Variants in CD200 observed in about 807,000 individuals in gnomAD.
CD200 encodes CD200 molecule.
Under a neutral mutation model 30.9 loss-of-function variants are expected in CD200, and 15 were observed. The observed-to-expected ratio is 0.49, with a 90% confidence interval of 0.32 to 0.75. The LOEUF is 0.75. Among genes scored for constraint, CD200 ranks in the 30% least tolerant of loss-of-function variants. The probability of loss-of-function intolerance (pLI) is 0.03; values close to 1 mark genes in which losing one functional copy is unlikely to be tolerated. For synonymous variants in CD200, 134 were observed against 126.2 expected (o/e 1.06, Z -0.41); for missense variants, 262 against 324.2 (o/e 0.81, Z 1.47).
Position 112,333,494 on chromosome 3 carries a change from C to G in CD200, c.12+270C>G, listed in dbSNP as rs921594348. 5.1e-6 allele frequency: 5 copies of G among 985,288 alleles called. No homozygotes were observed. In the African/African-American group the frequency reaches 8.7e-5, roughly 17 times the overall value. 61.0% of individuals were successfully genotyped at this position (985,288 alleles called of 1,614,324 possible). A position where few individuals can be genotyped will look rare whatever the true frequency, so the allele number is the denominator to read the frequency against. ...TGCCTGAAAAAAAGATGCACCAGGC[C>G]GGGGCTCCGGGGGCTCTTGATCCGC... On this transcript the variant is annotated intron_variant, in intron 1 of 5. Coordinates refer to ENST00000315711, the MANE Select transcript of CD200 (RefSeq NM_005944.7).
chr3:112,352,119 G>A (rs1475736944), intron 5 of CD200, among the ~76,000 whole-genome samples: 1 of 152,186 alleles, frequency 6.6e-6, no homozygotes, highest in Non-Finnish European at 1.5e-5. Flanking sequence ...TTAACAGCCA[G>A]ATAATTTGGC....
intron 5 of CD200, among the ~76,000 whole-genome samples, chr3:112,358,404 A>G (rs1373336074): frequency 1.3e-5 from 2 of 152,254 alleles, no homozygotes; most frequent in African/African-American, 4.8e-5. Context: ...GAAAATGTGC[A>G]TTCTAAAAAC....
chr3:112,358,935 A>G (rs1483002920), intron 5 of CD200, among the ~76,000 whole-genome samples: 1 of 147,738 alleles, frequency 6.8e-6, no homozygotes, highest in African/African-American at 2.6e-5. Flanking sequence ...AAGAGAGAGA[A>G]AGAAAGAGAG....
chr3:112,353,184 A>G lies in CD200; in HGVS notation c.802+3365A>G, dbSNP rs115249612. Among the ~76,000 whole-genome samples, 1,313 of 152,282 alleles carry G rather than the reference A, an allele frequency of 8.6e-3. 17 individuals are homozygous for G. The highest frequency in any genetic ancestry group is 0.03 in the African/African-American group (1,242 of 41,574). On this transcript the variant is annotated intron_variant, in intron 5 of 5. Transcript: ENST00000315711. ...AATTTGGAGTTGAGAATAATCTTTTATTTCTCATTAGTCAACCCACCAACA... is the reference window on the plus strand; with the variant it reads ...AATTTGGAGTTGAGAATAATCTTTTGTTTCTCATTAGTCAACCCACCAACA...
chr3:112,336,886 G>A (rs1339618148), intron 1 of CD200, among the ~76,000 whole-genome samples: 1 of 152,098 alleles, frequency 6.6e-6, no homozygotes, highest in Non-Finnish European at 1.5e-5. Context: ...CCAAATAAGA[G>A]ACTGTTTCTA....
chr3:112,352,089 C>T (rs2399421), intron 5 of CD200, among the ~76,000 whole-genome samples: 150,928 of 152,290 alleles, frequency 0.99, 74,801 homozygotes, highest in Middle Eastern at 1. Flanking sequence ...ATCCAAACTA[C>T]AACAACTGAT....
At chr3:112,346,525 A>G (rs1227364120) in intron 3 of CD200, among the ~76,000 whole-genome samples, 2 of 152,088 alleles carry the variant, frequency 1.3e-5, no homozygotes, top group Non-Finnish European at 2.9e-5. Flanking sequence ...TCTTTGATAC[A>G]TCATAGGACC....
At chr3:112,355,923 C>A (rs943078085) in intron 5 of CD200, among the ~76,000 whole-genome samples, 13 of 151,920 alleles carry the variant, frequency 8.6e-5, no homozygotes, top group Non-Finnish European at 1.5e-4. Flanking sequence ...TAATTTTAAT[C>A]TCTAAAAATA....
In CD200 at chr3:112,338,878, A is replaced by T. The variant is rs564646753; in HGVS notation, c.13-2024A>T. ...AGATAGTGTGGTAATTATGGTTATGAGCTCTGAAACCAGACTGCCTGGGCT... is the reference window on the plus strand; with the variant it reads ...AGATAGTGTGGTAATTATGGTTATGTGCTCTGAAACCAGACTGCCTGGGCT... On this transcript the variant is annotated intron_variant, in intron 1 of 5. Coordinates refer to ENST00000315711, the MANE Select transcript of CD200 (RefSeq NM_005944.7). Among the ~76,000 whole-genome samples, 5 of 152,298 alleles carry T rather than the reference A, an allele frequency of 3.3e-5. No individual in the cohort carries two copies. The East Asian group carries it at 9.7e-4, about 29-fold the overall frequency.
chr3:112,351,607 C>CT (rs2081533141), intron 5 of CD200, among the ~76,000 whole-genome samples: 1 of 152,148 alleles, frequency 6.6e-6, no homozygotes, highest in Admixed American at 6.5e-5. Flanking sequence ...ATGTTGACTC[C>CT]TGTACGCATC....
At chr3:112,336,097 G>C in intron 1 of CD200, 1 of 942,032 alleles carries the variant, frequency 1.1e-6, no homozygotes, top group Admixed American at 1.8e-5. Context: ...TATTATATAA[G>C]ATTAATGTTT....
In CD200 at chr3:112,347,761, G is replaced by A; in HGVS notation, c.625G>A (p.Gly209Arg). Residue 209 changes from glycine to arginine, a missense_variant, in exon 4 of 6, where the codon GGG becomes AGG. Gly to Arg is a moderately radical substitution (Grantham distance 125). Transcript: ENST00000315711. ...TATCAAAGACCCTAAGAATCAGGTG[G>A]GGAAGGAGGTGATCTGCCAGGTGCT... is the stretch of plus-strand genomic sequence containing the variant. ...LHIKDPKNQV[G>R]KEVICQVLHL... The A allele has an allele frequency of 6.2e-7, 1 of 1,613,966 alleles. No homozygotes were observed. The highest frequency in any genetic ancestry group is 8.5e-7 in the Non-Finnish European group (1 of 1,179,926).
chr3:112,333,520 G>T (rs895030932), intron 1 of CD200: 2 of 985,296 alleles, frequency 2.0e-6, no homozygotes, highest in Non-Finnish European at 2.4e-6. Flanking sequence ...CTTGATCCGC[G>T]CTGACGAAGC....
intron 4 of CD200, 21 bp from the exon 5 acceptor site, chr3:112,349,691 T>TA: frequency 6.3e-7 from 1 of 1,590,492 alleles, no homozygotes; most frequent in Non-Finnish European, 8.5e-7. Context: ...ATTTTCCTTT[T>TA]TCTTTCTTCA....
chr3:112,342,088 C>A (rs985866414), intron 2 of CD200, among the ~76,000 whole-genome samples: 3 of 151,838 alleles, frequency 2.0e-5, no homozygotes, highest in African/African-American at 7.3e-5. Flanking sequence ...TCTTTAAAAA[C>A]AAGTCTGGAT....
chr3:112,341,397 A>C (rs1009038148), intron 2 of CD200, among the ~76,000 whole-genome samples: 1 of 152,236 alleles, frequency 6.6e-6, no homozygotes. Flanking sequence ...GTAGAAAACA[A>C]CGAAATGTAG....
intron 5 of CD200, among the ~76,000 whole-genome samples, chr3:112,359,687 G>A (rs2081699778): frequency 6.6e-6 from 1 of 152,170 alleles, no homozygotes; most frequent in South Asian, 2.1e-4. Flanking sequence ...ATTAGCACTG[G>A]TTATTATACT....
intron 2 of CD200, among the ~76,000 whole-genome samples, chr3:112,344,342 A>T (rs137969468): frequency 0.017 from 2,633 of 152,322 alleles, 40 homozygotes; most frequent in Non-Finnish European, 0.028. Context: ...AATTACCACC[A>T]TAGCATTTAG....
chr3:112,332,899 A>C, upstream of CD200: 3 of 406,014 alleles, frequency 7.4e-6, no homozygotes, highest in East Asian at 5.5e-5. Flanking sequence ...CAGTCCAGGT[A>C]GCAGGAAAAT....
Sources: gnomAD v4.1 joint callset for allele counts (sites outside exome capture counted in the v4.1 genomes callset) on GRCh38, gnomAD v4.1.1 for gene constraint, MANE v1.5 for transcripts, NCBI Gene and HGNC (gene_info 2026-07-23, HGNC 2026-07-21) for gene names.